The following USH2A variants were observed in gnomAD, a reference collection of about 807,000 sequenced individuals.
The protein encoded by USH2A is Usher syndrome 2A (autosomal recessive, mild).
In USH2A, 443 loss-of-function variants were observed where a neutral mutation model predicts 538.9. That is an observed-to-expected ratio of 0.82 (90% CI 0.76 to 0.89). The LOEUF is 0.89. Ranked by LOEUF, USH2A falls within the 40% of genes least tolerant of loss-of-function variation. USH2A has a pLI of 0.00. For synonymous variants in USH2A, 2,413 were observed against 2,273.5 expected, an observed-to-expected ratio of 1.06 and a Z score of -1.75; for missense variants, 6,633 against 6,324.8, an observed-to-expected ratio of 1.05 and a Z score of -1.65.
chr1:216,070,982 T>C (rs1183776231), intron 29 of USH2A, among the ~76,000 whole-genome samples: 1 of 150,892 alleles, frequency 6.6e-6, no homozygotes, highest in Admixed American at 6.6e-5. Context: ...CTGCAAAACC[T>C]TACTTACAAG....
chr1:215,815,674 A>T (rs1233721558), intron 48 of USH2A, among the ~76,000 whole-genome samples: 1 of 152,026 alleles, frequency 6.6e-6, no homozygotes, highest in Non-Finnish European at 1.5e-5. Context: ...ATTTTTCTTC[A>T]TCCCATTACT....
rs761367363 is a variant in USH2A, at chr1:215,671,126, G to A, written c.13979C>T (p.Pro4660Leu). The stretch of plus-strand genomic sequence containing the variant: ...CAAAACTTTTCCATTTGGCTGCAGC[G>A]GTCCTGTCCACAAAAGAGAAACAGT... ...QPTVSLLWTG[P>L]LQPNGKVLYY... Residue 4660 changes from proline (P) to leucine (L), a missense_variant, in exon 64 of 72, where the codon CCG becomes CTG. By Grantham distance (98) the Pro-to-Leu change is moderately conservative (BLOSUM62 -3). Coordinates refer to ENST00000307340, the MANE Select transcript of USH2A (RefSeq NM_206933.4). The A allele has an allele frequency of 6.2e-6, 10 of 1,613,976 alleles. No homozygotes were observed. Among genetic ancestry groups the A allele is most frequent in the South Asian group, 3.3e-5 (3 of 91,062 alleles).
chr1:216,375,629 A>T (rs2038803223), intron 3 of USH2A, among the ~76,000 whole-genome samples: 1 of 152,080 alleles, frequency 6.6e-6, no homozygotes, highest in African/African-American at 2.4e-5. Context: ...AAGCTGTTTC[A>T]GTTTTTATCA....
chr1:215,746,044 C>G (rs1660459754), intron 58 of USH2A, among the ~76,000 whole-genome samples: 2 of 149,938 alleles, frequency 1.3e-5, no homozygotes, highest in Non-Finnish European at 3.0e-5. Flanking sequence ...AAACATAGTA[C>G]CGTAGGTCCT....
At position 215,965,456 on chromosome 1, in the gene USH2A, A is replaced by C. The variant is rs1236147090; in HGVS notation, c.6981T>G (p.Ala2327=). 1 of 1,613,430 alleles carries C rather than the reference A, an allele frequency of 6.2e-7. No homozygotes were observed. The highest frequency in any genetic ancestry group is 1.3e-5 in the African/African-American group (1 of 74,814). The change falls in exon 37 of 72, where the codon GCT becomes GCG. Residue 2327 remains alanine (A), a synonymous_variant. Transcript: ENST00000307340. ...GPLVENRTLE[A]PPEGTVNVFV... ...ACACATTTACTGTTCCTTCAGGAGG[A>C]GCTTCTAGAGTTCGATTTTCCACCT...
intron 20 of USH2A, among the ~76,000 whole-genome samples, chr1:216,188,950 T>C (rs1485204668): frequency 2.6e-5 from 4 of 152,048 alleles, no homozygotes; most frequent in Admixed American, 2.6e-4. Context: ...TCTTCTAGTC[T>C]GAAATTGTAT....
At chr1:215,725,595 A>G (rs1261225976) in intron 61 of USH2A, among the ~76,000 whole-genome samples, 2 of 152,232 alleles carry the variant, frequency 1.3e-5, no homozygotes, top group Non-Finnish European at 1.5e-5. Flanking sequence ...CTAAGAGCCA[A>G]AGATTTAGGT....
chr1:215,757,999 G>T (rs1349845761), intron 58 of USH2A, among the ~76,000 whole-genome samples: 1 of 152,134 alleles, frequency 6.6e-6, no homozygotes, highest in Non-Finnish European at 1.5e-5. Context: ...ATATAGAAGA[G>T]TAAGCCGGGC....
chr1:215,750,414 G>A (rs923871991), intron 58 of USH2A, among the ~76,000 whole-genome samples: 1 of 152,052 alleles, frequency 6.6e-6, no homozygotes, highest in Non-Finnish European at 1.5e-5. Context: ...ATCATGTTTT[G>A]CCCCTGAGTG....
intron 32 of USH2A, among the ~76,000 whole-genome samples, chr1:216,035,232 C>A (rs1669221950): frequency 1.3e-5 from 2 of 152,168 alleles, no homozygotes; most frequent in African/African-American, 4.8e-5. Flanking sequence ...TCTAGAACTG[C>A]AGTTGTAATT....
At chr1:215,798,883 G>A in intron 50 of USH2A, 24 bp downstream of exon 50, 7 of 1,613,096 alleles carry the variant, frequency 4.3e-6, no homozygotes, top group Non-Finnish European at 5.9e-6. Context: ...TCCATCTACT[G>A]AAAGGTAGAC....
intron 67 of USH2A, 43 bp downstream of exon 67, chr1:215,647,479 A>G (rs1571928355): frequency 1.9e-6 from 3 of 1,611,946 alleles, no homozygotes; most frequent in Non-Finnish European, 2.5e-6. Flanking sequence ...TCCTGACCAC[A>G]TTCCAATCTC....
chr1:215,971,922 C>T (rs986634423), intron 35 of USH2A, among the ~76,000 whole-genome samples: 2 of 152,094 alleles, frequency 1.3e-5, no homozygotes, highest in African/African-American at 4.8e-5. Flanking sequence ...GAGGTGAGAG[C>T]ACCGTCATTT....
At chr1:216,084,956 G>T (rs1449494971) in intron 24 of USH2A, 79 bp from the exon 25 acceptor site, 9 of 1,464,226 alleles carry the variant, frequency 6.1e-6, no homozygotes, top group Non-Finnish European at 7.5e-6. Flanking sequence ...TGCCATTAAA[G>T]TCAAAGAAAT....
At chr1:216,388,150 G>C (rs892796273) in intron 3 of USH2A, among the ~76,000 whole-genome samples, 3 of 152,156 alleles carry the variant, frequency 2.0e-5, no homozygotes, top group African/African-American at 4.8e-5. Context: ...ACGAGTTTAA[G>C]TATAACCATT....
chr1:215,734,213 C>T (rs533120655), intron 60 of USH2A, among the ~76,000 whole-genome samples: 13 of 152,294 alleles, frequency 8.5e-5, no homozygotes, highest in Non-Finnish European at 1.3e-4. Flanking sequence ...GTTTGGTGTA[C>T]GCCCCCTGAA....
intron 15 of USH2A, among the ~76,000 whole-genome samples, chr1:216,215,372 C>G (rs2035323370): frequency 6.6e-6 from 1 of 152,086 alleles, no homozygotes; most frequent in Non-Finnish European, 1.5e-5. Context: ...GCACTACATT[C>G]CTTTCAATTT....
chr1:216,422,412 A>T lies in USH2A; in HGVS notation c.-76T>A. 6.3e-7 allele frequency: 1 copy of T among 1,598,738 alleles called. No individual in the cohort carries two copies. Among genetic ancestry groups the T allele is most frequent in the Non-Finnish European group, 8.5e-7 (1 of 1,171,652 alleles). On this transcript the variant is annotated 5_prime_UTR_variant, in exon 2 of 72. Coordinates refer to ENST00000307340, the MANE Select transcript of USH2A (RefSeq NM_206933.4). ...CAGGCCCACGCCACTTGCCAGCAAT[A>T]CTTTGAAGCAGGGTACTTTAAGTGA...
At chr1:215,725,653 A>G (rs989568637) in intron 61 of USH2A, among the ~76,000 whole-genome samples, 4 of 152,232 alleles carry the variant, frequency 2.6e-5, no homozygotes, top group Admixed American at 2.0e-4. Context: ...AAAATAGGAC[A>G]CAGAAGTATT....
Sources: gnomAD v4.1 joint callset for allele counts (sites outside exome capture counted in the v4.1 genomes callset) on GRCh38, gnomAD v4.1.1 for gene constraint, MANE v1.5 for transcripts, NCBI Gene and HGNC (gene_info 2026-07-23, HGNC 2026-07-21) for gene names.